Variants in SLC30A7 observed in about 807,000 individuals in gnomAD.
The protein encoded by SLC30A7 is solute carrier family 30 member 7.
Under a neutral mutation model 46.0 loss-of-function variants are expected in SLC30A7, and 35 were observed. The ratio of observed to expected loss-of-function variants is 0.76; its 90% CI spans 0.58 to 1.01. The LOEUF is 1.01. SLC30A7 is among the 50% of genes least tolerant of loss of function. The pLI is 0.00. For missense variants in SLC30A7, 464 were observed against 451.1 expected (o/e 1.03, Z -0.26); for synonymous variants, 147 against 157.8 (o/e 0.93, Z 0.51).
At chr1:100,957,245 A>C (rs192253144) in intron 8 of SLC30A7, among the ~76,000 whole-genome samples, 7 of 152,226 alleles carry the variant, frequency 4.6e-5, no homozygotes, top group Admixed American at 3.9e-4. Flanking sequence ...ATCTGATGCC[A>C]GATATATAGT....
At chr1:100,939,418 T>C (rs1654201982) in intron 8 of SLC30A7, among the ~76,000 whole-genome samples, 1 of 152,134 alleles carries the variant, frequency 6.6e-6, no homozygotes, top group African/African-American at 2.4e-5. Flanking sequence ...AAGACACCTC[T>C]TCAGTAGCAA....
chr1:100,959,324 A>T (rs966865764), intron 8 of SLC30A7, among the ~76,000 whole-genome samples: 3 of 152,234 alleles, frequency 2.0e-5, no homozygotes, highest in African/African-American at 7.2e-5. Flanking sequence ...TGGATACATA[A>T]TGAAGTACCC....
chr1:100,932,865 G>T (rs114793359), intron 8 of SLC30A7, among the ~76,000 whole-genome samples: 2 of 151,986 alleles, frequency 1.3e-5, no homozygotes, highest in South Asian at 4.1e-4. Flanking sequence ...TCTTACCTCT[G>T]TTTACAGAAT....
chr1:100,992,025 G>A, the SLC30A7 span, among the ~76,000 whole-genome samples: 1 of 151,852 alleles, frequency 6.6e-6, no homozygotes, highest in South Asian at 2.1e-4. Context: ...TTGAGCCCAG[G>A]AGGTGGAGGC....
chr1:100,972,781 T>C (rs1656232905), intron 10 of SLC30A7: 1 of 152,152 alleles, frequency 6.6e-6, no homozygotes, highest in Non-Finnish European at 1.5e-5. Context: ...AATTTGTTTG[T>C]AATAGCCTTT....
At chr1:100,985,177 T>A (rs918534271), downstream of SLC30A7, among the ~76,000 whole-genome samples, 1 of 152,246 alleles carries the variant, frequency 6.6e-6, no homozygotes, top group Admixed American at 6.5e-5. Context: ...CTCGGGAACC[T>A]GTTGGACAGT....
At chr1:100,986,362 T>C (rs1273393665), downstream of SLC30A7, among the ~76,000 whole-genome samples, 2 of 151,694 alleles carry the variant, frequency 1.3e-5, no homozygotes, top group Admixed American at 1.3e-4. Context: ...TGAGCCGAGA[T>C]TGTGCCATTG....
the SLC30A7 span, chr1:100,992,544 T>C: frequency 3.6e-6 from 3 of 839,358 alleles, no homozygotes; most frequent in Admixed American, 7.0e-5. Flanking sequence ...TACTGACTCT[T>C]GCTTCCATAG....
At chr1:100,937,021 A>G (rs78558328) in intron 8 of SLC30A7, among the ~76,000 whole-genome samples, 1 of 152,126 alleles carries the variant, frequency 6.6e-6, no homozygotes, top group Admixed American at 6.5e-5. Context: ...CACATAGATT[A>G]TCTGTATCTA....
At chr1:100,995,625 T>G in the SLC30A7 span, 1 of 156,216 alleles carries the variant, frequency 6.4e-6, no homozygotes, top group East Asian at 1.9e-4. Flanking sequence ...TAAGTATTCA[T>G]GCTTTTAACA....
rs374978715 is a variant in SLC30A7, at chr1:100,969,502, G to A, written c.1083+3584G>A. Among the ~76,000 whole-genome samples the A allele has an allele frequency of 1.5e-4, 23 of 152,338 alleles. No homozygotes were observed. The South Asian group carries it at 4.6e-3, about 30-fold the overall frequency. On this transcript the variant is annotated intron_variant, in intron 10 of 10. Coordinates refer to ENST00000357650, the MANE Select transcript of SLC30A7 (RefSeq NM_133496.5). Reference sequence around the variant, plus strand: ...TAGTTTTAGAAATGTGCAAGCAGCTGTGTCCGGGCTTAGGAACTCTTGAAG... The same window carrying A: ...TAGTTTTAGAAATGTGCAAGCAGCTATGTCCGGGCTTAGGAACTCTTGAAG...
intron 8 of SLC30A7, among the ~76,000 whole-genome samples, chr1:100,944,861 G>A (rs1028902387): frequency 2.0e-5 from 3 of 152,016 alleles, no homozygotes; most frequent in Admixed American, 6.5e-5. Flanking sequence ...TTGAGGAATC[G>A]CCACAGTCTT....
chr1:100,995,272 G>A, the SLC30A7 span: 1 of 567,048 alleles, frequency 1.8e-6, no homozygotes, highest in Non-Finnish European at 3.2e-6. Context: ...ATTTTAATTA[G>A]CCACTTTCTT....
chr1:100,915,252 T>TCTTTCTTTCTTCCTTC (rs1486603338), intron 6 of SLC30A7, among the ~76,000 whole-genome samples: 1 of 141,090 alleles, frequency 7.1e-6, no homozygotes, highest in African/African-American at 2.7e-5. Context: ...TTTCTTTCTT[T>TCTTTCTTTCTTCCTTC]CTTCCTTTCT....
At chr1:100,930,598 AT>A (rs1194487428) in intron 8 of SLC30A7, among the ~76,000 whole-genome samples, 1 of 151,570 alleles carries the variant, frequency 6.6e-6, no homozygotes, top group African/African-American at 2.4e-5. Context: ...TTTTTTTAAT[AT>A]GTAGAAAGTT....
At chr1:100,930,659 G>A (rs1175637306) in intron 8 of SLC30A7, among the ~76,000 whole-genome samples, 1 of 151,706 alleles carries the variant, frequency 6.6e-6, no homozygotes, top group Non-Finnish European at 1.5e-5. Flanking sequence ...TTGTTTTTGG[G>A]TGTTCCCTAA....
rs547877264 is a variant in SLC30A7, at chr1:100,976,357, A to T, written c.*1500A>T. ...TTCAGGAATCCTAAAGCAGCATTTT[A>T]TTGAGTTTGAATTATTAAAGGTACA... On this transcript the variant is annotated 3_prime_UTR_variant, in exon 11 of 11. Transcript: ENST00000357650. The T allele has an allele frequency of 1.3e-5, 2 of 152,336 alleles. No individual in the cohort carries two copies. Among genetic ancestry groups the T allele is most frequent in the African/African-American group, 4.8e-5 (2 of 41,594 alleles). 9.4% of individuals were successfully genotyped at this position (152,336 alleles called of 1,614,324 possible).
chr1:100,945,244 C>G (rs1036455903), intron 8 of SLC30A7, among the ~76,000 whole-genome samples: 1 of 152,154 alleles, frequency 6.6e-6, no homozygotes, highest in South Asian at 2.1e-4. Flanking sequence ...GTTGCCTGTT[C>G]ACTCTGACGG....
chr1:100,901,095 A>G (rs951652753), intron 2 of SLC30A7, among the ~76,000 whole-genome samples: 3 of 152,172 alleles, frequency 2.0e-5, no homozygotes, highest in Non-Finnish European at 4.4e-5. Context: ...GCTTCTCTAA[A>G]AGATAAAATC....
Sources: gnomAD v4.1 joint callset for allele counts (sites outside exome capture counted in the v4.1 genomes callset) on GRCh38, gnomAD v4.1.1 for gene constraint, MANE v1.5 for transcripts, NCBI Gene and HGNC (gene_info 2026-07-23, HGNC 2026-07-21) for gene names.